Variants in DCBLD1 observed in about 807,000 individuals in gnomAD.
DCBLD1 encodes discoidin, CUB and LCCL domain-containing protein 1.
In DCBLD1, 57 loss-of-function variants were observed where a neutral mutation model predicts 71.5. The ratio of observed to expected loss-of-function variants is 0.80; its 90% confidence interval spans 0.64 to 0.99. The LOEUF (loss-of-function observed/expected upper bound fraction) is 0.99, where lower values mean the gene tolerates loss of function less well. DCBLD1 is among the 50% of genes least tolerant of loss of function. The probability of loss-of-function intolerance (pLI) is 0.00; values close to 1 mark genes in which losing one functional copy is unlikely to be tolerated. For synonymous variants in DCBLD1, 380 were observed against 363.8 expected (o/e 1.04, Z -0.51); for missense variants, 891 against 923.5 (o/e 0.96, Z 0.46).
intron 14 of DCBLD1, chr6:117,560,594 G>A (rs182335643): frequency 1.5e-5 from 3 of 193,730 alleles, no homozygotes; most frequent in African/African-American, 2.3e-5. Flanking sequence ...GCTAACTTTC[G>A]ATAGCTGTTG....
intron 2 of DCBLD1, among the ~76,000 whole-genome samples, chr6:117,507,035 A>G (rs1293846315): frequency 2.0e-5 from 3 of 152,228 alleles, no homozygotes; most frequent in Non-Finnish European, 4.4e-5. Context: ...TAAAACTATC[A>G]GAATTTGAAT....
At chr6:117,568,857 C>A (rs1779750637) in intron 14 of DCBLD1, among the ~76,000 whole-genome samples, 1 of 152,134 alleles carries the variant, frequency 6.6e-6, no homozygotes, top group Admixed American at 6.6e-5. Context: ...AACCAATGAA[C>A]AATATTCACT....
At chr6:117,508,260 T>C (rs923999585) in intron 2 of DCBLD1, 3 of 152,192 alleles carry the variant, frequency 2.0e-5, no homozygotes, top group Non-Finnish European at 4.4e-5. Context: ...TTAAATAACA[T>C]CTCTTTAAAT....
intron 1 of DCBLD1, among the ~76,000 whole-genome samples, chr6:117,484,776 C>G (rs919634520): frequency 9.2e-5 from 14 of 152,188 alleles, no homozygotes; most frequent in Non-Finnish European, 1.5e-5. Flanking sequence ...AATGGTATAA[C>G]TTAACCTGAA....
chr6:117,482,799 C>G lies in DCBLD1; in HGVS notation c.18C>G (p.Arg6=), dbSNP rs1291448441. Residue 6 remains arginine (R), a synonymous_variant, in exon 1 of 15, where the codon CGC becomes CGG. Coordinates refer to ENST00000338728, the MANE Select transcript of DCBLD1 (RefSeq NM_001366458.2). ...GCGGGGTCATGGTGCCCGGCGCCCG[C>G]GGCGGCGGCGCACTGGCGCGGGCTG... The part of the protein sequence containing the change: MVPGA[R]GGGALARAAG... The G allele has an allele frequency of 8.7e-7, 1 of 1,147,576 alleles. No homozygotes were observed. Among genetic ancestry groups the G allele is most frequent in the Non-Finnish European group, 1.1e-6 (1 of 934,728 alleles). The allele number at this position is 1,147,576 out of a possible 1,614,324, so 71.1% of individuals were successfully genotyped here. A position where few individuals can be genotyped will look rare whatever the true frequency, so the allele number is the denominator to read the frequency against.
chr6:117,558,366 C>T (rs1242784409), intron 14 of DCBLD1, among the ~76,000 whole-genome samples: 1 of 152,182 alleles, frequency 6.6e-6, no homozygotes, highest in Non-Finnish European at 1.5e-5. Context: ...ATGTTGTTCT[C>T]CCACATTTTT....
rs1232229111 is a variant in DCBLD1 at position 117,539,311 on chromosome 6, GTGA to G, written c.1037_1039del (p.Met346del). The stretch of plus-strand genomic sequence containing the variant: ...CTTCAACTTTTATGTTAAGAGTTTT[GTGA>G]TGAACTTCAAAAACAATAATTCTAA... On this transcript the variant is annotated inframe_deletion, in exon 9 of 15. Transcript: ENST00000338728. 1 of 1,608,402 alleles carries G rather than the reference GTGA, an allele frequency of 6.2e-7. No homozygotes were observed. The highest frequency in any genetic ancestry group is 1.1e-5 in the South Asian group (1 of 90,088).
chr6:117,537,187 G>T lies in DCBLD1; in HGVS notation c.722G>T (p.Gly241Val). 6.2e-7 allele frequency: 1 copy of T among 1,613,926 alleles called. No homozygotes were observed. The highest frequency in any genetic ancestry group is 8.5e-7 in the Non-Finnish European group (1 of 1,179,940). Residue 241 changes from glycine to valine, a missense_variant and splice_region_variant, in exon 7 of 15, where the codon GGT becomes GTT. By Grantham distance (109) the Gly-to-Val change is moderately radical. Coordinates refer to ENST00000338728, the MANE Select transcript of DCBLD1 (RefSeq NM_001366458.2). ...CATGTTTGTCTTTATTGTTTCAGTGGTTCCCTGTCAGACAAGCGATTTCTG... is the reference window on the plus strand; with the variant it reads ...CATGTTTGTCTTTATTGTTTCAGTGTTTCCCTGTCAGACAAGCGATTTCTG... The part of the protein sequence containing the change: ...ILANGVLSRD[G>V]SLSDKRFLFT...
intron 14 of DCBLD1, among the ~76,000 whole-genome samples, chr6:117,559,015 T>C (rs1779533850): frequency 6.6e-6 from 1 of 152,206 alleles, no homozygotes; most frequent in Non-Finnish European, 1.5e-5. Context: ...TTAACTCTTT[T>C]CTGCACACCA....
chr6:117,486,358 G>A (rs1777085187), intron 1 of DCBLD1, among the ~76,000 whole-genome samples: 1 of 152,220 alleles, frequency 6.6e-6, no homozygotes, highest in African/African-American at 2.4e-5. Flanking sequence ...AGTCAACTCT[G>A]TACGTATTAG....
At chr6:117,534,068 C>T (rs948698691) in intron 6 of DCBLD1, among the ~76,000 whole-genome samples, 1 of 152,202 alleles carries the variant, frequency 6.6e-6, no homozygotes. Flanking sequence ...CCATAACCCT[C>T]CCATTTACTT....
At chr6:117,502,846 G>T (rs1257400010) in intron 1 of DCBLD1, among the ~76,000 whole-genome samples, 1 of 152,186 alleles carries the variant, frequency 6.6e-6, no homozygotes, top group African/African-American at 2.4e-5. Context: ...TTGGATAGTT[G>T]TGTGATTGAC....
chr6:117,548,534 A>G lies in DCBLD1; in HGVS notation c.*95A>G, dbSNP rs1307137783. On this transcript the variant is annotated 3_prime_UTR_variant, in exon 15 of 15. Transcript: ENST00000338728. Reference sequence around the variant, plus strand: ...CTGCTGGTCCAGAGTGTGCGTGTGTATCGGTGTGTGTGTACACTTGCATGT... The same window carrying G: ...CTGCTGGTCCAGAGTGTGCGTGTGTGTCGGTGTGTGTGTACACTTGCATGT... The G allele has an allele frequency of 2.6e-6, 4 of 1,515,466 alleles. No homozygotes were observed. Among genetic ancestry groups the G allele is most frequent in the Non-Finnish European group, 1.8e-6 (2 of 1,136,112 alleles). 93.9% of individuals were successfully genotyped at this position (1,515,466 alleles called of 1,614,324 possible).
chr6:117,539,203 T>C, intron 8 of DCBLD1, 52 bp from the exon 9 acceptor site: 3 of 1,433,074 alleles, frequency 2.1e-6, no homozygotes, highest in Non-Finnish European at 1.9e-6. Flanking sequence ...ATAATAGATG[T>C]TATATTTAAC....
At chr6:117,546,247 GTCTCAA>G (rs1779261765) in intron 14 of DCBLD1, among the ~76,000 whole-genome samples, 1 of 152,126 alleles carries the variant, frequency 6.6e-6, no homozygotes, top group Admixed American at 6.5e-5. Flanking sequence ...TTGACACTTA[GTCTCAA>G]TTTCTGCACC....
At chr6:117,544,632 C>G (rs1779207074) in intron 13 of DCBLD1, 55 bp downstream of exon 13, 2 of 1,597,044 alleles carry the variant, frequency 1.3e-6, no homozygotes, top group Non-Finnish European at 1.7e-6. Context: ...GGGACAGGAT[C>G]TGCTGATTGA....
intron 2 of DCBLD1, 95 bp from the exon 3 acceptor site, chr6:117,519,721 A>G: frequency 6.8e-7 from 1 of 1,468,116 alleles, no homozygotes; most frequent in Non-Finnish European, 9.3e-7. Context: ...TGTATTGTCT[A>G]GTAAATTTGG....
intron 1 of DCBLD1, among the ~76,000 whole-genome samples, chr6:117,485,683 A>G (rs1777060634): frequency 6.6e-6 from 1 of 152,218 alleles, no homozygotes; most frequent in Non-Finnish European, 1.5e-5. Context: ...GTTGAACTGA[A>G]CAATCTCTTT....
intron 4 of DCBLD1, among the ~76,000 whole-genome samples, chr6:117,522,641 T>G (rs960666470): frequency 6.6e-6 from 1 of 152,130 alleles, no homozygotes; most frequent in Admixed American, 6.5e-5. Context: ...GGTGTCTTTC[T>G]ATATTGTCCA....
Sources: gnomAD v4.1 joint callset for allele counts (sites outside exome capture counted in the v4.1 genomes callset) on GRCh38, gnomAD v4.1.1 for gene constraint, MANE v1.5 for transcripts, NCBI Gene and HGNC (gene_info 2026-07-23, HGNC 2026-07-21) for gene names.